The following SLC35G2 variants were observed in gnomAD, a reference collection of about 807,000 sequenced individuals.
The protein encoded by SLC35G2 is solute carrier family 35 member G2, also known as transmembrane protein 22.
Under a neutral mutation model 27.2 loss-of-function variants are expected in SLC35G2, and 20 were observed. That is an observed-to-expected ratio of 0.74 (90% CI 0.52 to 1.07). SLC35G2 has a LOEUF of 1.07. Ranked by LOEUF, SLC35G2 falls within the 50% of genes least tolerant of loss-of-function variation. The pLI, the probability that SLC35G2 is intolerant of heterozygous loss-of-function variation, is 0.00. For missense variants in SLC35G2, 416 were observed against 493.3 expected, an observed-to-expected ratio of 0.84 and a Z score of 1.48; for synonymous variants, 148 against 165.3, an observed-to-expected ratio of 0.90 and a Z score of 0.80.
At chr3:136,844,823 GAAAAC>G (rs1937297208) in intron 1 of SLC35G2, among the ~76,000 whole-genome samples, 3 of 119,978 alleles carry the variant, frequency 2.5e-5, no homozygotes, top group African/African-American at 9.3e-5. Flanking sequence ...AAAAAAAAAA[GAAAAC>G]AAGACAAAAC....
In SLC35G2 at chr3:136,822,390, C is replaced by T. The variant is rs147361405; in HGVS notation, c.-19+2762C>T. 9.4e-4 allele frequency among the ~76,000 whole-genome samples: 143 copies of T among 152,292 alleles called. 2 individuals carry two copies. The East Asian group carries it at 0.027, about 28-fold the overall frequency. On this transcript the variant is annotated intron_variant, in intron 1 of 1. Transcript: ENST00000446465. ...AGTGCAGTGGCATGATCACAGCTCA[C>T]TGCAACCTCTGCCTTCTGGGTTCAA...
chr3:136,833,810 C>T (rs141832856), intron 1 of SLC35G2, among the ~76,000 whole-genome samples: 2,454 of 152,182 alleles, frequency 0.016, 67 homozygotes, highest in Non-Finnish European at 0.018. Flanking sequence ...GGCACCCCTG[C>T]TGTAGAGAGA....
chr3:136,829,382 C>T (rs534632095), intron 1 of SLC35G2, among the ~76,000 whole-genome samples: 8 of 152,058 alleles, frequency 5.3e-5, no homozygotes, highest in South Asian at 2.1e-4. Flanking sequence ...CCACTATGCC[C>T]GGCTAATTTT....
chr3:136,827,372 C>G (rs185622700), intron 1 of SLC35G2, among the ~76,000 whole-genome samples: 9 of 152,098 alleles, frequency 5.9e-5, no homozygotes, highest in Non-Finnish European at 1.0e-4. Context: ...CACCACCACG[C>G]CTGGCTAAGT....
rs1470520028 is a variant in SLC35G2 at position 136,855,743 on chromosome 3, T to C, written c.*44T>C. Reference sequence around the variant, plus strand: ...CTCATTAATGTTCAGTTATTATGTATACTGCCATTTTAATGTTTACCTATG... The same window carrying C: ...CTCATTAATGTTCAGTTATTATGTACACTGCCATTTTAATGTTTACCTATG... On this transcript the variant is annotated 3_prime_UTR_variant, in exon 2 of 2. Coordinates refer to ENST00000446465, the MANE Select transcript of SLC35G2 (RefSeq NM_025246.3). 1 of 1,144,792 alleles carries C rather than the reference T, an allele frequency of 8.7e-7. No homozygotes were observed. Among genetic ancestry groups the C allele is most frequent in the Non-Finnish European group, 1.3e-6 (1 of 779,606 alleles). The allele number at this position is 1,144,792 out of a possible 1,614,324, so 70.9% of individuals were successfully genotyped here.
chr3:136,852,744 C>T (rs1259363361), intron 1 of SLC35G2, among the ~76,000 whole-genome samples: 6 of 152,026 alleles, frequency 3.9e-5, no homozygotes, highest in East Asian at 1.9e-4. Flanking sequence ...CTGCCTACCT[C>T]GGCCTCCCAA....
chr3:136,821,541 G>T lies in SLC35G2; in HGVS notation c.-19+1913G>T, dbSNP rs566799035. On this transcript the variant is annotated intron_variant, in intron 1 of 1. Transcript: ENST00000446465. ...CGCTCACTGCAACCTCTGCCTCCCG[G>T]GTTCAAGGGATTCTCCTGCCTCAGC... Among the ~76,000 whole-genome samples, 100 of 152,222 alleles carry T rather than the reference G, an allele frequency of 6.6e-4. No individual in the cohort carries two copies. The South Asian group carries it at 0.02, about 31-fold the overall frequency.
chr3:136,839,096 A>T (rs946583518), intron 1 of SLC35G2: 2 of 145,404 alleles, frequency 1.4e-5, no homozygotes, highest in African/African-American at 5.1e-5. Context: ...CTGCTGACTC[A>T]CAGGAAGGTG....
intron 1 of SLC35G2, among the ~76,000 whole-genome samples, chr3:136,839,480 C>T (rs1937000622): frequency 6.6e-6 from 1 of 152,102 alleles, no homozygotes; most frequent in African/African-American, 2.4e-5. Context: ...CCTGGTATGC[C>T]TGGTTCATTG....
At chr3:136,828,725 T>C (rs1232294972) in intron 1 of SLC35G2, among the ~76,000 whole-genome samples, 1 of 152,220 alleles carries the variant, frequency 6.6e-6, no homozygotes, top group Non-Finnish European at 1.5e-5. Flanking sequence ...GAGAATTTAG[T>C]CTGTTTACAT....
chr3:136,824,105 G>A (rs186428970), intron 1 of SLC35G2, among the ~76,000 whole-genome samples: 1 of 152,220 alleles, frequency 6.6e-6, no homozygotes, highest in African/African-American at 2.4e-5. Flanking sequence ...CCAGTACCAT[G>A]CTGTTTTGGT....
At chr3:136,853,402 A>G (rs1382031205) in intron 1 of SLC35G2, among the ~76,000 whole-genome samples, 1 of 151,976 alleles carries the variant, frequency 6.6e-6, no homozygotes, top group Non-Finnish European at 1.5e-5. Flanking sequence ...CCGTGCCTAC[A>G]CTGTCATTTT....
chr3:136,853,278 T>C (rs1449973048), intron 1 of SLC35G2, among the ~76,000 whole-genome samples: 6 of 151,988 alleles, frequency 3.9e-5, no homozygotes, highest in African/African-American at 1.5e-4. Flanking sequence ...GTATTTTTAG[T>C]AGAAATGGCA....
intron 1 of SLC35G2, among the ~76,000 whole-genome samples, chr3:136,831,709 G>A (rs1458344334): frequency 6.6e-6 from 1 of 152,160 alleles, no homozygotes; most frequent in Non-Finnish European, 1.5e-5. Flanking sequence ...CAAATGGTTT[G>A]GAATGTGACA....
intron 1 of SLC35G2, among the ~76,000 whole-genome samples, chr3:136,821,803 GTATAGCAGATC>G (rs1936463442): frequency 1.3e-5 from 2 of 152,184 alleles, no homozygotes. Context: ...GTGCAATGCT[GTATAGCAGATC>G]TTTAGAGCTT....
rs1342653404 is a variant in SLC35G2 at position 136,854,604 on chromosome 3, T to C, written c.144T>C (p.Phe48=). The C allele has an allele frequency of 6.2e-7, 1 of 1,612,820 alleles. No homozygotes were observed. Among genetic ancestry groups the C allele is most frequent in the Admixed American group, 1.7e-5 (1 of 59,746 alleles). ...YEEINEGYGN[F]MEENPKKGLL... The stretch of plus-strand genomic sequence containing the variant: ...AAATCAATGAAGGCTATGGAAATTT[T>C]ATGGAGGAAAATCCAAAGAAAGGTC... The change falls in exon 2 of 2, where the codon TTT becomes TTC. Residue 48 remains phenylalanine, a synonymous_variant. Transcript: ENST00000446465.
At position 136,855,720 on chromosome 3, in the gene SLC35G2, C is replaced by T; in HGVS notation, c.*21C>T. On this transcript the variant is annotated 3_prime_UTR_variant, in exon 2 of 2. Coordinates refer to ENST00000446465, the MANE Select transcript of SLC35G2 (RefSeq NM_025246.3). ...AATGAATACCTGATTATTATTGTCT[C>T]ATTAATGTTCAGTTATTATGTATAC... The T allele has an allele frequency of 5.3e-6, 8 of 1,504,816 alleles. No homozygotes were observed. The highest frequency in any genetic ancestry group is 7.2e-6 in the Non-Finnish European group (8 of 1,109,954). 93.2% of individuals were successfully genotyped at this position (1,504,816 alleles called of 1,614,324 possible).
At chr3:136,836,150 CT>C (rs1036336768) in intron 1 of SLC35G2, among the ~76,000 whole-genome samples, 36 of 151,934 alleles carry the variant, frequency 2.4e-4, no homozygotes, top group Admixed American at 3.3e-4. Flanking sequence ...ACACACACCC[CT>C]ATATCTATTT....
Position 136,855,016 on chromosome 3 carries a change from T to G in SLC35G2, c.556T>G (p.Phe186Val), listed in dbSNP as rs1381036615. The G allele has an allele frequency of 6.2e-7, 1 of 1,614,128 alleles. No homozygotes were observed. The highest frequency in any genetic ancestry group is 2.2e-5 in the East Asian group (1 of 44,900). ...TTCTATCACTTGTGCTTATACATCATTTTCAATAGTTCCTCCCAGCAATGG... is the reference window on the plus strand; with the variant it reads ...TTCTATCACTTGTGCTTATACATCAGTTTCAATAGTTCCTCCCAGCAATGG... ...VISITCAYTS[F>V]SIVPPSNGTT... The change falls in exon 2 of 2, where the codon TTT becomes GTT. Residue 186 changes from phenylalanine (F) to valine (V), a missense_variant. By Grantham distance (50) the Phe-to-Val change is conservative. Transcript: ENST00000446465.
Sources: allele counts gnomAD v4.1 joint callset (sites outside exome capture counted in the v4.1 genomes callset), GRCh38; gene constraint gnomAD v4.1.1; transcripts MANE v1.5; gene names NCBI Gene and HGNC (gene_info 2026-07-23, HGNC 2026-07-21).